The following SOX5 variants were observed in gnomAD, a reference collection of about 807,000 sequenced individuals.
SOX5 encodes SRY-box transcription factor 5.
Under a neutral mutation model 92.0 loss-of-function variants are expected in SOX5, and 9 were observed. The ratio of observed to expected loss-of-function variants is 0.10; its 90% CI spans 0.06 to 0.17. The LOEUF is 0.17. SOX5 is among the 10% of genes least tolerant of loss of function. The pLI is 1.00. For missense variants in SOX5, 642 were observed against 944.5 expected, an observed-to-expected ratio of 0.68 and a Z score of 4.20; for synonymous variants, 344 against 336.3, an observed-to-expected ratio of 1.02 and a Z score of -0.25.
chr12:24,472,379 G>A (rs1944909336), intron 1 of SOX5, among the ~76,000 whole-genome samples: 1 of 152,210 alleles, frequency 6.6e-6, no homozygotes, highest in African/African-American at 2.4e-5. Flanking sequence ...GTGATAGGCA[G>A]TAGCAGGCCT....
exon 2 of SOX5, chr12:24,368,569 A>G (rs960817819): frequency 1.3e-5 from 2 of 152,236 alleles, no homozygotes; most frequent in Admixed American, 6.5e-5. Context: ...ATACCCCAGT[A>G]GGTCGCTAAC....
intron 4 of SOX5, among the ~76,000 whole-genome samples, chr12:23,979,948 G>GAC (rs1949404239): frequency 6.7e-6 from 1 of 149,330 alleles, no homozygotes; most frequent in Non-Finnish European, 1.5e-5. Flanking sequence ...TAGATAGATA[G>GAC]ATAGACAGAC....
At chr12:24,474,363 G>A (rs1945124402) in intron 1 of SOX5, among the ~76,000 whole-genome samples, 1 of 152,184 alleles carries the variant, frequency 6.6e-6, no homozygotes, top group Admixed American at 6.5e-5. Context: ...CTGATTGTCT[G>A]TATTTGGTGC....
At chr12:24,313,050 G>A (rs1397244165) in intron 2 of SOX5, among the ~76,000 whole-genome samples, 1 of 152,088 alleles carries the variant, frequency 6.6e-6, no homozygotes, top group African/African-American at 2.4e-5. Flanking sequence ...TGGTGCAGAC[G>A]CTATACAAGG....
At chr12:24,150,689 T>C (rs1951567376) in intron 4 of SOX5, among the ~76,000 whole-genome samples, 1 of 152,034 alleles carries the variant, frequency 6.6e-6, no homozygotes, top group African/African-American at 2.4e-5. Flanking sequence ...TAACCTAACA[T>C]TTCTTAAAAG....
intron 1 of SOX5, among the ~76,000 whole-genome samples, chr12:24,407,282 C>T (rs961654893): frequency 6.6e-6 from 1 of 152,136 alleles, no homozygotes; most frequent in Non-Finnish European, 1.5e-5. Context: ...GTAAGACAGA[C>T]ATGACTAATG....
chr12:23,714,799 A>C (rs2092359180), intron 6 of SOX5, among the ~76,000 whole-genome samples: 1 of 152,224 alleles, frequency 6.6e-6, no homozygotes, highest in Non-Finnish European at 1.5e-5. Context: ...CAAATGAATA[A>C]ATCAATGCAA....
chr12:24,391,503 G>A (rs757073461), intron 1 of SOX5, among the ~76,000 whole-genome samples: 6 of 152,098 alleles, frequency 3.9e-5, no homozygotes, highest in Non-Finnish European at 8.8e-5. Flanking sequence ...TAAAAACGGT[G>A]GCACCTAACT....
At position 23,530,725 on chromosome 12, in the gene SOX5, A is replaced by AT. The variant is rs1298559660; in HGVS notation, c.*3493dup. 6.6e-6 allele frequency: 1 copy of AT among 152,040 alleles called. No homozygotes were observed. Among genetic ancestry groups the AT allele is most frequent in the Non-Finnish European group, 1.5e-5 (1 of 68,002 alleles). The allele number at this position is 152,040 out of a possible 1,614,324, so 9.4% of individuals were successfully genotyped here. On this transcript the variant is annotated 3_prime_UTR_variant, in exon 15 of 15. Coordinates refer to ENST00000451604, the MANE Select transcript of SOX5 (RefSeq NM_006940.6). ...CTTAGATTCATATGAAAACAGGACTATTTTTAGAGAAACGGACTACAACAA... is the reference window on the plus strand; with the variant it reads ...CTTAGATTCATATGAAAACAGGACTATTTTTTAGAGAAACGGACTACAACAA...
intron 1 of SOX5, among the ~76,000 whole-genome samples, chr12:23,934,815 T>C (rs990608170): frequency 2.7e-4 from 41 of 151,372 alleles, no homozygotes; most frequent in African/African-American, 9.7e-4. Flanking sequence ...ATAATTATAA[T>C]CTCCAATTCA....
At chr12:24,065,490 T>C (rs970540246) in intron 4 of SOX5, among the ~76,000 whole-genome samples, 3 of 151,044 alleles carry the variant, frequency 2.0e-5, no homozygotes, top group African/African-American at 7.3e-5. Context: ...CTACTAAAAA[T>C]ACGAAAATTA....
intron 2 of SOX5, among the ~76,000 whole-genome samples, chr12:24,328,417 C>G (rs1950949581): frequency 6.6e-6 from 1 of 152,108 alleles, no homozygotes; most frequent in South Asian, 2.1e-4. Flanking sequence ...AAATCCCTGC[C>G]AAGCACACAC....
intron 10 of SOX5, among the ~76,000 whole-genome samples, chr12:23,570,130 A>G (rs916975812): frequency 6.6e-6 from 1 of 152,134 alleles, no homozygotes; most frequent in Admixed American, 6.5e-5. Context: ...TTTACTACGT[A>G]TTTATTTTAT....
rs73267704 is a variant in SOX5 at position 23,872,339 on chromosome 12, A to G, written c.270+23454T>C. Reference sequence around the variant, plus strand: ...TTTATTCTTACTGAATCTTTTGTACATGTTACATTTATCTACCACCATACC... The same window carrying G: ...TTTATTCTTACTGAATCTTTTGTACGTGTTACATTTATCTACCACCATACC... On this transcript the variant is annotated intron_variant, in intron 2 of 14. Coordinates refer to ENST00000451604, the MANE Select transcript of SOX5 (RefSeq NM_006940.6). 9.7e-3 allele frequency among the ~76,000 whole-genome samples: 1,476 copies of G among 151,754 alleles called. 24 individuals carry two copies. Among genetic ancestry groups the G allele is most frequent in the African/African-American group, 0.034 (1,414 of 41,402 alleles).
chr12:24,213,629 A>C (rs1255933424), intron 3 of SOX5, among the ~76,000 whole-genome samples: 1 of 151,720 alleles, frequency 6.6e-6, no homozygotes, highest in Admixed American at 6.6e-5. Flanking sequence ...CCAGATTCAT[A>C]GCCATAAAAC....
At chr12:23,949,781 T>TCTCC, upstream of SOX5, 1 of 569,390 alleles carries the variant, frequency 1.8e-6, no homozygotes, top group South Asian at 1.8e-5. Flanking sequence ...TCTCTCTCTC[T>TCTCC]CTCTCTCTCT....
chr12:24,381,158 C>T (rs781131305), intron 1 of SOX5, among the ~76,000 whole-genome samples: 2 of 152,184 alleles, frequency 1.3e-5, no homozygotes, highest in Non-Finnish European at 2.9e-5. Context: ...AAACGCCAGA[C>T]ACGGCTGCAG....
intron 3 of SOX5, among the ~76,000 whole-genome samples, chr12:23,761,054 T>C (rs1594147877): frequency 6.6e-6 from 1 of 152,136 alleles, no homozygotes; most frequent in South Asian, 2.1e-4. Context: ...TGTTTTATTC[T>C]TGACATGTGA....
chr12:24,421,192 T>C (rs756416999), intron 1 of SOX5, among the ~76,000 whole-genome samples: 1 of 152,222 alleles, frequency 6.6e-6, no homozygotes, highest in Non-Finnish European at 1.5e-5. Context: ...ATGGTATACA[T>C]GGAGAGGCTT....
Sources: allele counts gnomAD v4.1 joint callset (sites outside exome capture counted in the v4.1 genomes callset), GRCh38; gene constraint gnomAD v4.1.1; transcripts MANE v1.5; gene names NCBI Gene and HGNC (gene_info 2026-07-23, HGNC 2026-07-21).